The following CALB2 variants were observed in gnomAD, a reference collection of about 807,000 sequenced individuals.
CALB2 encodes calretinin.
Under a neutral mutation model 45.9 loss-of-function variants are expected in CALB2, and 34 were observed. The ratio of observed to expected loss-of-function variants is 0.74; its 90% CI spans 0.56 to 0.99. CALB2 has a LOEUF of 0.99. Among genes scored for constraint, CALB2 ranks in the 50% least tolerant of loss-of-function variants. The probability of loss-of-function intolerance (pLI) is 0.00; values close to 1 mark genes in which losing one functional copy is unlikely to be tolerated. For missense variants in CALB2, 344 were observed against 339.3 expected (o/e 1.01, Z -0.11); for synonymous variants, 142 against 129.6 (o/e 1.10, Z -0.65).
chr16:71,369,045 C>T (rs915762879), intron 1 of CALB2, among the ~76,000 whole-genome samples: 9 of 152,124 alleles, frequency 5.9e-5, no homozygotes, highest in South Asian at 2.1e-4. Flanking sequence ...GGCGGGGCTC[C>T]GTGCTAGCCT....
At chr16:71,373,881 T>A (rs544228984) in intron 2 of CALB2, among the ~76,000 whole-genome samples, 1 of 152,204 alleles carries the variant, frequency 6.6e-6, no homozygotes, top group Non-Finnish European at 1.5e-5. Context: ...TTGATACTAA[T>A]TCCAAAAGTA....
In CALB2 at chr16:71,374,823, G is replaced by C; in HGVS notation, c.250G>C (p.Glu84Gln). The change falls in exon 3 of 11, where the codon GAG becomes CAG. Residue 84 changes from glutamate to glutamine, a missense_variant. Physicochemically the swap from Glu to Gln is conservative, Grantham distance 29 (BLOSUM62 2). This residue lies in a region of CALB2 where 263 missense variants were observed against 241.7 expected (regional missense o/e 1.09). Coordinates refer to ENST00000302628, the MANE Select transcript of CALB2 (RefSeq NM_001740.5). ...KYDKNSDGKI[E>Q]MAELAQILPT... is the part of the protein sequence containing the mutation. ...TGATAAAAACTCAGATGGGAAAATC[G>C]AGATGGCAGAGGTGAGCCCTGCCTC... The C allele has an allele frequency of 6.2e-7, 1 of 1,610,698 alleles. No individual in the cohort carries two copies.
At chr16:71,384,487 C>T (rs879155250) in intron 8 of CALB2, 109 bp downstream of exon 8, 9 of 837,846 alleles carry the variant, frequency 1.1e-5, no homozygotes, top group African/African-American at 5.1e-5. Context: ...CACCCACACA[C>T]ACCACACACA....
rs1396020313 is a variant in CALB2 at position 71,383,369 on chromosome 16, A to C, written c.402A>C (p.Gly134=). The change falls in exon 6 of 11, where the codon GGA becomes GGC. Residue 134 remains glycine (G), a splice_region_variant and synonymous_variant. Coordinates refer to ENST00000302628, the MANE Select transcript of CALB2 (RefSeq NM_001740.5). ...SGYIEANELK[G]FLSDLLKKAN... ...TAAAGAGGCCTTTTGTGTTGCAGGG[A>C]TTCCTGTCAGACCTGCTGAAGAAGG... The C allele has an allele frequency of 2.5e-6, 4 of 1,614,046 alleles. No individual in the cohort carries two copies. The highest frequency in any genetic ancestry group is 2.5e-6 in the Non-Finnish European group (3 of 1,179,958).
chr16:71,389,465 T>C, intron 10 of CALB2: 5 of 572,648 alleles, frequency 8.7e-6, no homozygotes, highest in South Asian at 5.9e-5. Flanking sequence ...TCGCAACACC[T>C]CCATGAGGCA....
chr16:71,382,902 T>C, intron 5 of CALB2, 127 bp downstream of exon 5: 1 of 795,718 alleles, frequency 1.3e-6, no homozygotes, highest in Non-Finnish European at 2.0e-6. Flanking sequence ...GACCTGGCAC[T>C]GAATTGTTGG....
chr16:71,371,504 C>T (rs1177794319), intron 1 of CALB2, among the ~76,000 whole-genome samples: 1 of 152,188 alleles, frequency 6.6e-6, no homozygotes, highest in Non-Finnish European at 1.5e-5. Context: ...GGTGAATCTG[C>T]TCCCTGCCTC....
chr16:71,365,240 G>A (rs1396961238), intron 1 of CALB2, among the ~76,000 whole-genome samples: 1 of 152,182 alleles, frequency 6.6e-6, no homozygotes, highest in Non-Finnish European at 1.5e-5. Flanking sequence ...AGCTTAACGA[G>A]GAAATTCCTT....
In CALB2 at chr16:71,384,002, A is replaced by G; in HGVS notation, c.510A>G (p.Lys170=). The G allele has an allele frequency of 4.3e-6, 7 of 1,613,796 alleles. No homozygotes were observed. The highest frequency in any genetic ancestry group is 5.9e-6 in the Non-Finnish European group (7 of 1,179,846). Residue 170 remains lysine, a synonymous_variant, in exon 7 of 11, where the codon AAA becomes AAG. Coordinates refer to ENST00000302628, the MANE Select transcript of CALB2 (RefSeq NM_001740.5). ...LRMFDLNGDG[K]LGLSEMSRLL... The stretch of plus-strand genomic sequence containing the variant: ...TGTTTGACTTGAACGGGGATGGCAA[A>G]TTGGGCCTCTCAGAGATGTCCCGGT...
In CALB2 at chr16:71,384,803, G is replaced by T; in HGVS notation, c.594G>T (p.Glu198Asp). 3 of 1,582,752 alleles carry T rather than the reference G, an allele frequency of 1.9e-6. No homozygotes were observed. The South Asian group carries it at 3.4e-5, about 18-fold the overall frequency. The change falls in exon 9 of 11, where the codon GAG becomes GAT. Residue 198 changes from glutamate to aspartate, a missense_variant. This residue lies in a region of CALB2 where 263 missense variants were observed against 241.7 expected (regional missense o/e 1.09). Coordinates refer to ENST00000302628, the MANE Select transcript of CALB2 (RefSeq NM_001740.5). ...LKFQGMKLTSEEFNAIFTFYD... is the reference protein window; with the variant it reads ...LKFQGMKLTSDEFNAIFTFYD... ...TGCAGGGCATGAAGCTGACCTCAGA[G>T]GAGTTTAACGCGATCTTCACATTTT...
chr16:71,384,853 G>C lies in CALB2; in HGVS notation c.627+17G>C. ...TACGACAAGGTAAGAGAGGGAGTTG[G>C]CATGGCAGGGAAAATCAGAAGCCCA... On this transcript the variant is annotated intron_variant, in intron 9 of 10. Coordinates refer to ENST00000302628, the MANE Select transcript of CALB2 (RefSeq NM_001740.5). 1.2e-6 allele frequency: 2 copies of C among 1,610,548 alleles called. No homozygotes were observed. Among genetic ancestry groups the C allele is most frequent in the Non-Finnish European group, 1.7e-6 (2 of 1,177,312 alleles).
intron 1 of CALB2, among the ~76,000 whole-genome samples, chr16:71,361,896 A>C (rs1016084054): frequency 1.3e-5 from 2 of 152,224 alleles, no homozygotes; most frequent in Non-Finnish European, 2.9e-5. Context: ...GAAGAGGTGA[A>C]GGGGGAACCA....
At chr16:71,375,208 TAC>T (rs145705227) in intron 3 of CALB2, among the ~76,000 whole-genome samples, 5 of 152,346 alleles carry the variant, frequency 3.3e-5, no homozygotes, top group African/African-American at 1.2e-4. Flanking sequence ...ATACATAATT[TAC>T]ACACATATAT....
intron 1 of CALB2, among the ~76,000 whole-genome samples, chr16:71,370,106 A>G (rs28407180): frequency 0.033 from 4,970 of 152,308 alleles, 264 homozygotes; most frequent in African/African-American, 0.11. Flanking sequence ...CATTGCAATC[A>G]TGTCTTTTCC....
intron 2 of CALB2, among the ~76,000 whole-genome samples, chr16:71,373,471 G>T: frequency 6.6e-6 from 1 of 152,184 alleles, no homozygotes; most frequent in East Asian, 1.9e-4. Context: ...CTGGGATCAT[G>T]GGCTAGTCGG....
In CALB2 at chr16:71,389,785, A is replaced by T. The variant is rs762754928; in HGVS notation, c.736A>T (p.Ser246Cys). 1 of 1,614,092 alleles carries T rather than the reference A, an allele frequency of 6.2e-7. No individual in the cohort carries two copies. The highest frequency in any genetic ancestry group is 8.5e-7 in the Non-Finnish European group (1 of 1,179,992). ...TCAACAGCTCACCAACTACAGAAAGAGCGTCATGTCCTTGGCAGAGGCAGG... is the reference window on the plus strand; with the variant it reads ...TCAACAGCTCACCAACTACAGAAAGTGCGTCATGTCCTTGGCAGAGGCAGG... ...NIQQLTNYRK[S>C]VMSLAEAGKL... Residue 246 changes from serine (S) to cysteine (C), a missense_variant, in exon 11 of 11, where the codon AGC becomes TGC. Ser to Cys is a moderately radical substitution (Grantham distance 112). Coordinates refer to ENST00000302628, the MANE Select transcript of CALB2 (RefSeq NM_001740.5).
At chr16:71,384,458 A>G (rs1434055103) in intron 8 of CALB2, 80 bp downstream of exon 8, 1 of 1,020,028 alleles carries the variant, frequency 9.8e-7, no homozygotes. Flanking sequence ...CCAACGCACC[A>G]CACACAACAC....
Position 71,389,905 on chromosome 16 carries a change from T to C in CALB2, c.*40T>C. 1 of 1,418,862 alleles carries C rather than the reference T, an allele frequency of 7.0e-7. No homozygotes were observed. Among genetic ancestry groups the C allele is most frequent in the Non-Finnish European group, 9.9e-7 (1 of 1,006,934 alleles). The allele number at this position is 1,418,862 out of a possible 1,614,324, so 87.9% of individuals were successfully genotyped here. A position where few individuals can be genotyped will look rare whatever the true frequency, so the allele number is the denominator to read the frequency against. ...CTGCTTCTCCACCTCCCCCAAACCCTGCTTCTGCTGCCCTGATGCGTCTAC... is the reference window on the plus strand; with the variant it reads ...CTGCTTCTCCACCTCCCCCAAACCCCGCTTCTGCTGCCCTGATGCGTCTAC... On this transcript the variant is annotated 3_prime_UTR_variant, in exon 11 of 11. Transcript: ENST00000302628.
At chr16:71,364,921 G>T (rs1048385315) in intron 1 of CALB2, among the ~76,000 whole-genome samples, 1 of 152,200 alleles carries the variant, frequency 6.6e-6, no homozygotes, top group Non-Finnish European at 1.5e-5. Context: ...ACCTCTGTCA[G>T]CTGTGGCTGA....
Sources: gnomAD v4.1 joint callset for allele counts (sites outside exome capture counted in the v4.1 genomes callset) on GRCh38, gnomAD v4.1.1 for gene constraint, gnomAD v4.1.1 regional missense constraint, MANE v1.5 for transcripts, NCBI Gene and HGNC (gene_info 2026-07-23, HGNC 2026-07-21) for gene names.